SNTG1: variants seen among roughly 807,000 people sequenced by gnomAD.
SNTG1 encodes gamma-1-syntrophin.
A neutral mutation model predicts 74.7 loss-of-function variants in SNTG1; 39 were observed. The ratio of observed to expected loss-of-function variants is 0.52; its 90% CI spans 0.40 to 0.68. The LOEUF (loss-of-function observed/expected upper bound fraction) is 0.68, where lower values mean the gene tolerates loss of function less well. Ranked by LOEUF, SNTG1 falls within the 30% of genes least tolerant of loss-of-function variation. The pLI is 0.00. For synonymous variants in SNTG1, 254 were observed against 217.1 expected (o/e 1.17, Z -1.49); for missense variants, 685 against 609.5 (o/e 1.12, Z -1.30).
chr8:50,546,857 C>A (rs1304834333), intron 11 of SNTG1, among the ~76,000 whole-genome samples: 1 of 152,140 alleles, frequency 6.6e-6, no homozygotes, highest in Non-Finnish European at 1.5e-5. Flanking sequence ...TCTCGGCTCA[C>A]TGCAACCTCT....
At chr8:50,240,436 C>T (rs1179609584) in intron 2 of SNTG1, among the ~76,000 whole-genome samples, 1 of 152,202 alleles carries the variant, frequency 6.6e-6, no homozygotes, top group Admixed American at 6.5e-5. Context: ...TCCAGTAAGT[C>T]TCTTTAGTTA....
At chr8:50,704,825 A>C in intron 16 of SNTG1, 73 bp downstream of exon 16, 6 of 1,508,858 alleles carry the variant, frequency 4.0e-6, no homozygotes, top group Non-Finnish European at 5.4e-6. Flanking sequence ...TTCTAATATC[A>C]TTCCAAAGTA....
chr8:50,160,547 G>A (rs13249868), intron 1 of SNTG1, among the ~76,000 whole-genome samples: 1 of 151,690 alleles, frequency 6.6e-6, no homozygotes, highest in African/African-American at 2.4e-5. Context: ...AACTAGGATA[G>A]TTTCTAGGAT....
chr8:50,787,748 A>T (rs1025807137), intron 18 of SNTG1, among the ~76,000 whole-genome samples: 1 of 152,080 alleles, frequency 6.6e-6, no homozygotes, highest in South Asian at 2.1e-4. Context: ...TAATCACAAA[A>T]TATCTTATGT....
intron 18 of SNTG1, among the ~76,000 whole-genome samples, chr8:50,764,367 C>T (rs1355758592): frequency 1.3e-5 from 2 of 151,838 alleles, no homozygotes; most frequent in Non-Finnish European, 2.9e-5. Context: ...ATAAGCTGTA[C>T]ATGTGATAAG....
At chr8:50,736,537 G>A (rs2095529299) in intron 17 of SNTG1, among the ~76,000 whole-genome samples, 1 of 151,982 alleles carries the variant, frequency 6.6e-6, no homozygotes, top group Admixed American at 6.6e-5. Flanking sequence ...AAATTAACAA[G>A]GATATTCAGA....
intron 9 of SNTG1, among the ~76,000 whole-genome samples, chr8:50,511,172 T>C (rs142107298): frequency 0.025 from 3,834 of 152,308 alleles, 153 homozygotes; most frequent in African/African-American, 0.086. Context: ...TTTAGTTATA[T>C]ACCCAGTAGT....
intron 2 of SNTG1, among the ~76,000 whole-genome samples, chr8:50,392,925 T>A (rs2092681422): frequency 6.6e-6 from 1 of 152,136 alleles, no homozygotes; most frequent in African/African-American, 2.4e-5. Flanking sequence ...TGGTTGCTTT[T>A]TAGTAGCAAG....
chr8:50,671,941 A>G (rs1300257849), intron 15 of SNTG1, among the ~76,000 whole-genome samples: 1 of 150,060 alleles, frequency 6.7e-6, no homozygotes, highest in Non-Finnish European at 1.5e-5. Flanking sequence ...AACTATCGCA[A>G]GGACAAAAAA....
At chr8:50,025,872 A>G (rs561527692) in intron 1 of SNTG1, among the ~76,000 whole-genome samples, 1 of 152,266 alleles carries the variant, frequency 6.6e-6, no homozygotes, top group Non-Finnish European at 1.5e-5. Context: ...GATTGTAGTG[A>G]AGAAAATACT....
intron 4 of SNTG1, among the ~76,000 whole-genome samples, chr8:50,411,425 G>T (rs1587522387): frequency 1.3e-5 from 2 of 149,180 alleles, no homozygotes; most frequent in African/African-American, 4.9e-5. Context: ...TCCAGCCTGG[G>T]TGACAGAGCA....
chr8:50,218,246 A>G lies in SNTG1; in HGVS notation c.-28+45611A>G, dbSNP rs111677263. Among the ~76,000 whole-genome samples, 13 of 152,356 alleles carry G rather than the reference A, an allele frequency of 8.5e-5. 1 individual carries two copies. Among genetic ancestry groups the G allele is most frequent in the African/African-American group, 2.9e-4 (12 of 41,584 alleles). ...GCACTGAGCATAGGGATGGTTGTAGAAAATTACACAATTGAGGCCTGAATG... is the reference window on the plus strand; with the variant it reads ...GCACTGAGCATAGGGATGGTTGTAGGAAATTACACAATTGAGGCCTGAATG... On this transcript the variant is annotated intron_variant, in intron 2 of 18. Coordinates refer to ENST00000642720, the MANE Select transcript of SNTG1 (RefSeq NM_018967.5).
At chr8:50,541,136 G>A (rs889850190) in intron 11 of SNTG1, among the ~76,000 whole-genome samples, 2 of 151,680 alleles carry the variant, frequency 1.3e-5, no homozygotes, top group Admixed American at 6.6e-5. Flanking sequence ...GTGGGAAATA[G>A]TATTTTCATT....
At chr8:50,632,902 G>T (rs957296879) in intron 13 of SNTG1, among the ~76,000 whole-genome samples, 1 of 152,104 alleles carries the variant, frequency 6.6e-6, no homozygotes, top group Non-Finnish European at 1.5e-5. Context: ...CAAGAATACC[G>T]TGTCTTCTAC....
At chr8:50,120,692 T>G (rs1285314083) in intron 1 of SNTG1, among the ~76,000 whole-genome samples, 3 of 142,382 alleles carry the variant, frequency 2.1e-5, no homozygotes, top group Non-Finnish European at 4.7e-5. Flanking sequence ...ACGCTACTAA[T>G]AGTATTGCAA....
chr8:50,114,920 T>G (rs2080753880), intron 1 of SNTG1, among the ~76,000 whole-genome samples: 1 of 151,746 alleles, frequency 6.6e-6, no homozygotes, highest in Non-Finnish European at 1.5e-5. Context: ...ACAGCAGGAG[T>G]GGTGTAGCAA....
At chr8:49,995,948 A>G (rs765377787) in intron 1 of SNTG1, among the ~76,000 whole-genome samples, 1 of 152,224 alleles carries the variant, frequency 6.6e-6, no homozygotes, top group Non-Finnish European at 1.5e-5. Context: ...GTATGTTTTA[A>G]TGAATCTATA....
chr8:50,743,768 A>G (rs1372396141), intron 17 of SNTG1, among the ~76,000 whole-genome samples: 1 of 151,932 alleles, frequency 6.6e-6, no homozygotes, highest in Non-Finnish European at 1.5e-5. Context: ...GTATTAGGCC[A>G]TTCTTGGATC....
rs1342586788 is a variant in SNTG1, at chr8:50,313,824, T to C, written c.-27-80388T>C. ...TATCTTCTTTTACCTCCCTTTATCA[T>C]AATTTGTTTTCCAGAAATATTTAAA... On this transcript the variant is annotated intron_variant, in intron 2 of 18. Coordinates refer to ENST00000642720, the MANE Select transcript of SNTG1 (RefSeq NM_018967.5). Among the ~76,000 whole-genome samples the C allele has an allele frequency of 1.3e-5, 2 of 150,008 alleles. 1 individual carries two copies. Among genetic ancestry groups the C allele is most frequent in the African/African-American group, 5.0e-5 (2 of 40,264 alleles).
Sources: gnomAD v4.1 joint callset for allele counts (sites outside exome capture counted in the v4.1 genomes callset) on GRCh38, gnomAD v4.1.1 for gene constraint, MANE v1.5 for transcripts, NCBI Gene and HGNC (gene_info 2026-07-23, HGNC 2026-07-21) for gene names.